ABCB11: variants seen among roughly 807,000 people sequenced by gnomAD.
ABCB11 encodes ATP binding cassette subfamily B member 11, also known as bile salt export pump.
In ABCB11, 95 loss-of-function variants were observed where a neutral mutation model predicts 148.0. The observed-to-expected ratio is 0.64, with a 90% CI of 0.54 to 0.76. The LOEUF is 0.76. Among genes scored for constraint, ABCB11 ranks in the 30% least tolerant of loss-of-function variants. The pLI, the probability that ABCB11 is intolerant of heterozygous loss-of-function variation, is 0.00. For synonymous variants in ABCB11, 591 were observed against 555.4 expected, an observed-to-expected ratio of 1.06 and a Z score of -0.90; for missense variants, 1,523 against 1,617.8, an observed-to-expected ratio of 0.94 and a Z score of 1.01.
At chr2:168,978,386 T>TTGGCCTCCCAAAG (rs1694007720) in intron 11 of ABCB11, among the ~76,000 whole-genome samples, 1 of 152,084 alleles carries the variant, frequency 6.6e-6, no homozygotes, top group East Asian at 1.9e-4. Flanking sequence ...TCCTCCCGAC[T>TTGGCCTCCCAAAG]TGGCCTCCCA....
intron 8 of ABCB11, among the ~76,000 whole-genome samples, chr2:168,992,197 C>T (rs1278588492): frequency 1.3e-5 from 2 of 151,886 alleles, no homozygotes; most frequent in Non-Finnish European, 2.9e-5. Flanking sequence ...CAAGACAAGA[C>T]ATGTGCAGAC....
At chr2:168,988,099 C>A (rs6759156) in intron 9 of ABCB11, among the ~76,000 whole-genome samples, 105,354 of 152,012 alleles carry the variant, frequency 0.69, 36,969 homozygotes, top group East Asian at 0.81. Flanking sequence ...CATTTCTTGA[C>A]TTTATAAACT....
chr2:169,016,371 T>A (rs1379546368), intron 3 of ABCB11, among the ~76,000 whole-genome samples: 1 of 152,192 alleles, frequency 6.6e-6, no homozygotes, highest in Non-Finnish European at 1.5e-5. Context: ...GATTAGCTGA[T>A]ATGTGTTCTA....
Position 168,921,079 on chromosome 2 carries a change from A to G in ABCB11, c.*2543T>C, listed in dbSNP as rs980782914. ...AGTCTTTCATCAAAATTAGAGGATT[A>G]GCATGCATTTATTGCAAACCTTAAT... On this transcript the variant is annotated 3_prime_UTR_variant, in exon 28 of 28. Transcript: ENST00000650372. 1.3e-5 allele frequency among the ~76,000 whole-genome samples: 2 copies of G among 152,246 alleles called. No homozygotes were observed. Among genetic ancestry groups the G allele is most frequent in the Non-Finnish European group, 2.9e-5 (2 of 68,034 alleles).
At chr2:168,954,216 C>G (rs1692686804) in intron 19 of ABCB11, among the ~76,000 whole-genome samples, 1 of 110,564 alleles carries the variant, frequency 9.0e-6, no homozygotes, top group Non-Finnish European at 2.0e-5. Flanking sequence ...AATTGTTTCC[C>G]TCTTTTTCTG....
intron 21 of ABCB11, 71 bp from the exon 22 acceptor site, chr2:168,936,504 G>T (rs1559185118): frequency 7.1e-7 from 1 of 1,417,082 alleles, no homozygotes; most frequent in Non-Finnish European, 9.9e-7. Context: ...TACACAAAAA[G>T]GTCAGACCTT....
rs1270065682 is a variant in ABCB11 at position 168,996,617 on chromosome 2, T to A, written c.477+18A>T. The A allele has an allele frequency of 7.1e-7, 1 of 1,406,580 alleles. No individual in the cohort carries two copies. Among genetic ancestry groups the A allele is most frequent in the Non-Finnish European group, 9.6e-7 (1 of 1,045,530 alleles). The allele number at this position is 1,406,580 out of a possible 1,614,324, so 87.1% of individuals were successfully genotyped here. A position where few individuals can be genotyped will look rare whatever the true frequency, so the allele number is the denominator to read the frequency against. ...AGGTCAGATATTGATCTATAAATTA[T>A]ACGGAGGAGCTACTAACTTGAATAT... On this transcript the variant is annotated intron_variant, in intron 6 of 27. Coordinates refer to ENST00000650372, the MANE Select transcript of ABCB11 (RefSeq NM_003742.4).
chr2:168,968,872 C>T (rs1693437359), intron 16 of ABCB11, among the ~76,000 whole-genome samples: 1 of 151,566 alleles, frequency 6.6e-6, no homozygotes, highest in South Asian at 2.1e-4. Context: ...ATAGTAGTTA[C>T]ACCTAATGGA....
chr2:169,018,256 C>T (rs1695425055), intron 1 of ABCB11, 104 bp from the exon 2 acceptor site: 2 of 1,019,832 alleles, frequency 2.0e-6, no homozygotes, highest in Non-Finnish European at 2.9e-6. Context: ...ATAATCTTTA[C>T]TAATCAATCT....
At position 168,921,788 on chromosome 2, in the gene ABCB11, A is replaced by G. The variant is rs911765039; in HGVS notation, c.*1834T>C. 2.6e-5 allele frequency among the ~76,000 whole-genome samples: 4 copies of G among 151,642 alleles called. No individual in the cohort carries two copies. Among genetic ancestry groups the G allele is most frequent in the African/African-American group, 9.7e-5 (4 of 41,258 alleles). The stretch of plus-strand genomic sequence containing the variant: ...TTGTTGGTTGACAGGTGGGCTTCAT[A>G]GAAGGGTAATACGGCTGGAAAATTT... On this transcript the variant is annotated 3_prime_UTR_variant, in exon 28 of 28. Transcript: ENST00000650372.
intron 13 of ABCB11, among the ~76,000 whole-genome samples, chr2:168,973,194 T>C (rs902932026): frequency 1.3e-5 from 2 of 152,006 alleles, no homozygotes; most frequent in African/African-American, 4.8e-5. Flanking sequence ...GCATTTTAAA[T>C]GTACAGTTAT....
Position 168,968,510 on chromosome 2 carries a change from C to A in ABCB11, c.2012-20G>T, listed in dbSNP as rs1693417334. 1 of 1,601,814 alleles carries A rather than the reference C, an allele frequency of 6.2e-7. No individual in the cohort carries two copies. The highest frequency in any genetic ancestry group is 8.5e-7 in the Non-Finnish European group (1 of 1,172,014). On this transcript the variant is annotated intron_variant, in intron 16 of 27. Coordinates refer to ENST00000650372, the MANE Select transcript of ABCB11 (RefSeq NM_003742.4). The stretch of plus-strand genomic sequence containing the variant: ...TTGCATCTACTCAACACAGCATGAG[C>A]AATTTTTTAGTATATACAATAAACA...
At chr2:168,986,551 G>A (rs1694334789) in intron 9 of ABCB11, among the ~76,000 whole-genome samples, 1 of 152,038 alleles carries the variant, frequency 6.6e-6, no homozygotes, top group Non-Finnish European at 1.5e-5. Context: ...TTGGCCCCAA[G>A]AGAAAAGAAT....
At chr2:168,990,486 C>G (rs945158739) in intron 9 of ABCB11, among the ~76,000 whole-genome samples, 1 of 151,998 alleles carries the variant, frequency 6.6e-6, no homozygotes. Flanking sequence ...TGACAGCAAA[C>G]AGCATTATAG....
At position 168,932,277 on chromosome 2, in the gene ABCB11, T is replaced by A. The variant is rs1691604301; in HGVS notation, c.3213+100A>T. 1.2e-5 allele frequency: 12 copies of A among 1,015,276 alleles called. No individual in the cohort carries two copies. In the South Asian group the frequency reaches 1.9e-4, roughly 16 times the overall value. 62.9% of individuals were successfully genotyped at this position (1,015,276 alleles called of 1,614,324 possible). ...TGTGGTGTTTGGTTTTCTGTTCTTG[T>A]GTTAGTTTGCTGAGAATGATGGTTT... On this transcript the variant is annotated intron_variant, in intron 24 of 27. Transcript: ENST00000650372.
chr2:169,024,722 T>C (rs1020665894), intron 1 of ABCB11, among the ~76,000 whole-genome samples: 2 of 152,194 alleles, frequency 1.3e-5, no homozygotes, highest in Non-Finnish European at 2.9e-5. Context: ...TAAGTTGTCA[T>C]ATCTTGTTAA....
In ABCB11 at chr2:168,969,504, C is replaced by T. The variant is rs760948323; in HGVS notation, c.1857G>A (p.Thr619=). Residue 619 remains threonine, a synonymous_variant, in exon 16 of 28, where the codon ACG becomes ACA. Transcript: ENST00000650372. ...TIISVAHRLS[T]VRAADTIIGF... The stretch of plus-strand genomic sequence containing the variant: ...CAATGATGGTATCTGCAGCTCTGAC[C>T]GTAGACAAGCGATGAGCAACTGAAA... 1.1e-5 allele frequency: 17 copies of T among 1,612,350 alleles called. No individual in the cohort carries two copies. Among genetic ancestry groups the T allele is most frequent in the Admixed American group, 1.7e-5 (1 of 59,808 alleles).
intron 2 of ABCB11, among the ~76,000 whole-genome samples, chr2:169,017,198 C>T: frequency 6.6e-6 from 1 of 151,780 alleles, no homozygotes; most frequent in Middle Eastern, 3.4e-3. Flanking sequence ...CAGAATTTAT[C>T]TGTTTAAAAT....
intron 7 of ABCB11, 79 bp from the exon 8 acceptor site, chr2:168,993,961 T>C: frequency 8.3e-7 from 1 of 1,211,162 alleles, no homozygotes; most frequent in Non-Finnish European, 1.2e-6. Flanking sequence ...AGTCTTTCCC[T>C]TTTAAACATT....
Sources: allele counts gnomAD v4.1 joint callset (sites outside exome capture counted in the v4.1 genomes callset), GRCh38; gene constraint gnomAD v4.1.1; transcripts MANE v1.5; gene names NCBI Gene and HGNC (gene_info 2026-07-23, HGNC 2026-07-21).